Variants in ARHGEF26 observed in about 807,000 individuals in gnomAD.
ARHGEF26 encodes Rho guanine nucleotide exchange factor 26, also known as Rho guanine nucleotide exchange factor (GEF) 26.
In ARHGEF26, 59 loss-of-function variants were observed where a neutral mutation model predicts 89.4. The ratio of observed to expected loss-of-function variants is 0.66; its 90% CI spans 0.54 to 0.82. ARHGEF26 has a LOEUF of 0.82. ARHGEF26 is among the 40% of genes least tolerant of loss of function. The pLI is 0.00. For synonymous variants in ARHGEF26, 500 were observed against 428.4 expected (o/e 1.17, Z -2.06); for missense variants, 1,234 against 1,085.6 (o/e 1.14, Z -1.92).
intron 8 of ARHGEF26, among the ~76,000 whole-genome samples, chr3:154,192,781 A>G (rs987025925): frequency 2.0e-5 from 3 of 152,136 alleles, no homozygotes; most frequent in Non-Finnish European, 2.9e-5. Context: ...GTAATATTAG[A>G]CTTTTGAATT....
At chr3:154,175,538 A>G (rs1712762096) in intron 6 of ARHGEF26, among the ~76,000 whole-genome samples, 1 of 152,238 alleles carries the variant, frequency 6.6e-6, no homozygotes, top group Admixed American at 6.5e-5. Context: ...TAACATTCCT[A>G]TAGATAATTT....
intron 6 of ARHGEF26, among the ~76,000 whole-genome samples, chr3:154,161,247 A>G (rs1328126341): frequency 6.6e-6 from 1 of 152,050 alleles, no homozygotes; most frequent in Admixed American, 6.6e-5. Flanking sequence ...CATTATTATT[A>G]ACATCATTAT....
chr3:154,145,362 T>C (rs943418749), intron 4 of ARHGEF26, among the ~76,000 whole-genome samples: 1 of 152,142 alleles, frequency 6.6e-6, no homozygotes, highest in African/African-American at 2.4e-5. Context: ...TCCCTTCCCA[T>C]TTGAGCTCTT....
intron 6 of ARHGEF26, among the ~76,000 whole-genome samples, chr3:154,160,497 G>A (rs914582227): frequency 2.6e-5 from 4 of 152,198 alleles, no homozygotes; most frequent in South Asian, 2.1e-4. Context: ...TGATGGGAAG[G>A]TCAATACACA....
chr3:154,199,571 G>T (rs1440786572), intron 9 of ARHGEF26, among the ~76,000 whole-genome samples: 2 of 152,046 alleles, frequency 1.3e-5, no homozygotes, highest in East Asian at 1.9e-4. Context: ...TTTATTTTGG[G>T]TATATACCCA....
intron 7 of ARHGEF26, 34 bp from the exon 8 acceptor site, chr3:154,191,255 T>C (rs1222038633): frequency 6.3e-7 from 1 of 1,575,108 alleles, no homozygotes; most frequent in East Asian, 2.3e-5. Context: ...GGAGGAAATA[T>C]TTTGAAGTTT....
At chr3:154,222,911 T>C (rs982886634) in intron 10 of ARHGEF26, among the ~76,000 whole-genome samples, 7 of 152,158 alleles carry the variant, frequency 4.6e-5, no homozygotes, top group Admixed American at 1.3e-4. Context: ...CAGGAGAGCT[T>C]ATCCTCTGAG....
chr3:154,236,579 C>G (rs935374572), intron 11 of ARHGEF26, among the ~76,000 whole-genome samples: 1 of 152,156 alleles, frequency 6.6e-6, no homozygotes, highest in Non-Finnish European at 1.5e-5. Flanking sequence ...TAGAGACAAA[C>G]ATGGGGAAGT....
At chr3:154,191,913 A>C (rs1713980905) in intron 8 of ARHGEF26, among the ~76,000 whole-genome samples, 1 of 152,162 alleles carries the variant, frequency 6.6e-6, no homozygotes, top group South Asian at 2.1e-4. Context: ...GTGCGAAGTG[A>C]GTGAGGAAAG....
chr3:154,132,130 C>A (rs962845933), intron 4 of ARHGEF26, among the ~76,000 whole-genome samples: 1 of 152,072 alleles, frequency 6.6e-6, no homozygotes, highest in Non-Finnish European at 1.5e-5. Flanking sequence ...ACTTAGGCAC[C>A]AGCCTGCATT....
chr3:154,186,936 G>T (rs1480864211), intron 6 of ARHGEF26, among the ~76,000 whole-genome samples: 5 of 113,502 alleles, frequency 4.4e-5, no homozygotes, highest in African/African-American at 1.7e-4. Flanking sequence ...TCTGTCGCCA[G>T]GCTGGAGTCC....
At chr3:154,199,878 A>G (rs924944210) in intron 9 of ARHGEF26, among the ~76,000 whole-genome samples, 1 of 152,058 alleles carries the variant, frequency 6.6e-6, no homozygotes, top group African/African-American at 2.4e-5. Flanking sequence ...TGTCTATTCA[A>G]ATCTTTGCCC....
chr3:154,239,261 G>GGAGAGA lies in ARHGEF26; in HGVS notation c.2091-1075_2091-1070dup, dbSNP rs869046214. ...TGATGTAAATGACCGAGAGAGAGAG[G>GGAGAGA]GAGAGAGAGAGAGAGAGAGAGAGAG... On this transcript the variant is annotated intron_variant, in intron 11 of 14. Transcript: ENST00000465093. 8.0e-4 allele frequency among the ~76,000 whole-genome samples: 84 copies of GGAGAGA among 105,596 alleles called. 1 individual carries two copies. Among genetic ancestry groups the GGAGAGA allele is most frequent in the Non-Finnish European group, 1.2e-3 (65 of 55,110 alleles). The allele number at this position is 105,596 out of a possible 152,430, so 69.3% of individuals were successfully genotyped here.
At chr3:154,156,488 T>C (rs1039345693) in intron 6 of ARHGEF26, among the ~76,000 whole-genome samples, 1 of 152,172 alleles carries the variant, frequency 6.6e-6, no homozygotes, top group African/African-American at 2.4e-5. Context: ...TCAAATGCAA[T>C]GCTTTAATAT....
chr3:154,147,206 A>G (rs2108086692), intron 4 of ARHGEF26, among the ~76,000 whole-genome samples: 1 of 152,308 alleles, frequency 6.6e-6, no homozygotes, highest in East Asian at 1.9e-4. Context: ...GGAGTTCCAG[A>G]CCAGCCTGAC....
intron 6 of ARHGEF26, among the ~76,000 whole-genome samples, chr3:154,179,954 G>T (rs971472113): frequency 2.0e-5 from 3 of 152,134 alleles, no homozygotes; most frequent in Non-Finnish European, 4.4e-5. Context: ...TAAAGTCATG[G>T]TGTCACTAGG....
At chr3:154,195,946 G>A (rs953470284) in intron 9 of ARHGEF26, among the ~76,000 whole-genome samples, 1 of 152,112 alleles carries the variant, frequency 6.6e-6, no homozygotes, top group Admixed American at 6.6e-5. Flanking sequence ...ACAAAACAAA[G>A]TAAAACATAC....
chr3:154,129,254 AAGAT>A (rs1241992033), intron 3 of ARHGEF26, among the ~76,000 whole-genome samples: 1 of 152,176 alleles, frequency 6.6e-6, no homozygotes, highest in Non-Finnish European at 1.5e-5. Context: ...CCTTAAATAA[AAGAT>A]AGGATGTAAT....
intron 8 of ARHGEF26, among the ~76,000 whole-genome samples, chr3:154,193,897 C>G (rs761623635): frequency 6.6e-6 from 1 of 151,272 alleles, no homozygotes; most frequent in Admixed American, 6.6e-5. Context: ...TGCAATGGTG[C>G]GATCTCGGCT....
Sources: allele counts gnomAD v4.1 joint callset (sites outside exome capture counted in the v4.1 genomes callset), GRCh38; gene constraint gnomAD v4.1.1; transcripts MANE v1.5; gene names NCBI Gene and HGNC (gene_info 2026-07-23, HGNC 2026-07-21).